The following SAP130 variants were observed in gnomAD, a reference collection of about 807,000 sequenced individuals.
The protein encoded by SAP130 is Sin3A associated protein 130, also known as histone deacetylase complex subunit SAP130.
Under a neutral mutation model 103.2 loss-of-function variants are expected in SAP130, and 16 were observed. The observed-to-expected ratio is 0.16, with a 90% CI of 0.10 to 0.24. SAP130 has a LOEUF of 0.24. Ranked by LOEUF, SAP130 falls within the 10% of genes least tolerant of loss-of-function variation. The pLI, the probability that SAP130 is intolerant of heterozygous loss-of-function variation, is 1.00. For synonymous variants in SAP130, 477 were observed against 497.0 expected (o/e 0.96, Z 0.53); for missense variants, 990 against 1,359.7 (o/e 0.73, Z 4.28).
rs150236531 is a variant in SAP130 at position 128,023,127 on chromosome 2, C to T, written c.112+3054G>A. On this transcript the variant is annotated intron_variant, in intron 2 of 20. Coordinates refer to ENST00000643581, the MANE Select transcript of SAP130 (RefSeq NM_001330301.2). The stretch of plus-strand genomic sequence containing the variant: ...GTCCTGCCTCAGCCTCCCGATTAGC[C>T]GGGATTACCGGCACCCACCACCACG... Among the ~76,000 whole-genome samples, 95 of 152,092 alleles carry T rather than the reference C, an allele frequency of 6.2e-4. 1 individual carries two copies. Among genetic ancestry groups the T allele is most frequent in the East Asian group, 4.6e-3 (24 of 5,166 alleles).
chr2:128,006,652 C>A (rs1025106036), intron 7 of SAP130, among the ~76,000 whole-genome samples: 1 of 152,142 alleles, frequency 6.6e-6, no homozygotes, highest in Non-Finnish European at 1.5e-5. Flanking sequence ...CATGGTGGCA[C>A]GTGCCCGTAG....
At chr2:128,023,179 G>C (rs1012114327) in intron 2 of SAP130, among the ~76,000 whole-genome samples, 2 of 152,030 alleles carry the variant, frequency 1.3e-5, no homozygotes, top group Admixed American at 1.3e-4. Context: ...ATTTTTAGTA[G>C]AGACAGGTTT....
intron 10 of SAP130, among the ~76,000 whole-genome samples, chr2:127,997,595 G>C (rs1304664131): frequency 1.3e-5 from 2 of 152,222 alleles, no homozygotes; most frequent in African/African-American, 4.8e-5. Context: ...CCAATGCAAA[G>C]AGAAGTTGGC....
rs1040751515 is a variant in SAP130 at position 128,019,966 on chromosome 2, T to C, written c.113-2051A>G. 2.0e-5 allele frequency among the ~76,000 whole-genome samples: 3 copies of C among 152,284 alleles called. No homozygotes were observed. The Middle Eastern group carries it at 0.01, about 518-fold the overall frequency. On this transcript the variant is annotated intron_variant, in intron 2 of 20. Transcript: ENST00000643581. Reference sequence around the variant, plus strand: ...TTGTGAAAATATTAACTCATATTTGTCTATAATTTTTCCAAAATAATTTTT... The same window carrying C: ...TTGTGAAAATATTAACTCATATTTGCCTATAATTTTTCCAAAATAATTTTT...
intron 14 of SAP130, among the ~76,000 whole-genome samples, chr2:127,984,733 G>A (rs1682248630): frequency 6.6e-6 from 1 of 152,180 alleles, no homozygotes; most frequent in Admixed American, 6.5e-5. Flanking sequence ...CACACGGTGA[G>A]TCACAATCTC....
In SAP130 at chr2:127,941,835, A is replaced by G; in HGVS notation, c.*171T>C. ...AGAAGGCAGCTCACTATGTCCAGTCAGCTCTGATCCTTTCACGCCCTTGGA... is the reference window on the plus strand; with the variant it reads ...AGAAGGCAGCTCACTATGTCCAGTCGGCTCTGATCCTTTCACGCCCTTGGA... On this transcript the variant is annotated 3_prime_UTR_variant, in exon 21 of 21. Transcript: ENST00000643581. 1 of 628,022 alleles carries G rather than the reference A, an allele frequency of 1.6e-6. No homozygotes were observed. Among genetic ancestry groups the G allele is most frequent in the Non-Finnish European group, 2.7e-6 (1 of 367,482 alleles). The allele number at this position is 628,022 out of a possible 1,614,324, so 38.9% of individuals were successfully genotyped here. A position where few individuals can be genotyped will look rare whatever the true frequency, so the allele number is the denominator to read the frequency against.
chr2:127,943,827 A>G (rs1298349833), intron 19 of SAP130, among the ~76,000 whole-genome samples: 2 of 152,216 alleles, frequency 1.3e-5, no homozygotes, highest in Non-Finnish European at 1.5e-5. Flanking sequence ...AGGCTACACT[A>G]AATCTATTAA....
intron 13 of SAP130, among the ~76,000 whole-genome samples, chr2:127,988,429 TAAAAAAA>T (rs11380500): frequency 2.4e-5 from 3 of 126,290 alleles, no homozygotes; most frequent in African/African-American, 9.1e-5. Context: ...CTTGTCTTTT[TAAAAAAA>T]AAAAAAAAAA....
At chr2:127,957,061 G>A (rs932222093) in intron 15 of SAP130, among the ~76,000 whole-genome samples, 16 of 152,314 alleles carry the variant, frequency 1.1e-4, no homozygotes, top group Middle Eastern at 3.4e-3. Context: ...AGCAGTTTGG[G>A]AAGCTGAGGC....
At position 127,986,877 on chromosome 2, in the gene SAP130, C is replaced by T. The variant is rs143177451; in HGVS notation, c.1866G>A (p.Val622=). 3.7e-6 allele frequency: 6 copies of T among 1,614,250 alleles called. No individual in the cohort carries two copies. Among genetic ancestry groups the T allele is most frequent in the Non-Finnish European group, 5.1e-6 (6 of 1,180,044 alleles). Residue 622 remains valine (V), a synonymous_variant, in exon 14 of 21, where the codon GTG becomes GTA. Coordinates refer to ENST00000643581, the MANE Select transcript of SAP130 (RefSeq NM_001330301.2). The surrounding 1 kb of genome is among the most constrained non-coding windows in gnomAD (Gnocchi z 4.7). ...FSAAPAATTV[V]QTHSQSASTN... Reference sequence around the variant, plus strand: ...TGCTAGCACTCTGGCTGTGGGTCTGCACCACGGTTGTTGCTGCTGGAGCAG... The same window carrying T: ...TGCTAGCACTCTGGCTGTGGGTCTGTACCACGGTTGTTGCTGCTGGAGCAG...
chr2:127,963,774 A>G (rs548725837), intron 15 of SAP130, among the ~76,000 whole-genome samples: 1 of 152,140 alleles, frequency 6.6e-6, no homozygotes, highest in Non-Finnish European at 1.5e-5. Flanking sequence ...GTTTCCCTGC[A>G]CAAGCTCTCT....
chr2:128,027,501 C>G (rs910232995), intron 1 of SAP130, among the ~76,000 whole-genome samples: 2 of 152,202 alleles, frequency 1.3e-5, no homozygotes, highest in East Asian at 3.9e-4. Flanking sequence ...ACAGGCGCCC[C>G]CGGCGAAGGG....
At chr2:127,997,567 G>A (rs1316908085) in intron 10 of SAP130, among the ~76,000 whole-genome samples, 1 of 152,214 alleles carries the variant, frequency 6.6e-6, no homozygotes. Flanking sequence ...TCTGACCACT[G>A]AAGATCGCAT....
intron 15 of SAP130, among the ~76,000 whole-genome samples, chr2:127,963,641 ATTCCTATGTG>A (rs1171542720): frequency 1.3e-5 from 2 of 152,182 alleles, no homozygotes; most frequent in Non-Finnish European, 2.9e-5. Context: ...AGCTCCCATG[ATTCCTATGTG>A]TTACGAGAGG....
intron 2 of SAP130, among the ~76,000 whole-genome samples, chr2:128,021,185 AAG>A (rs1559108139): frequency 6.6e-6 from 1 of 152,134 alleles, no homozygotes; most frequent in Non-Finnish European, 1.5e-5. Flanking sequence ...GTGGTGGCTC[AAG>A]CCTGTAATCC....
At chr2:128,008,199 T>C (rs1684109194) in intron 7 of SAP130, among the ~76,000 whole-genome samples, 1 of 152,164 alleles carries the variant, frequency 6.6e-6, no homozygotes, top group Admixed American at 6.5e-5. Flanking sequence ...TCCCTCAACA[T>C]AACCAATGGC....
chr2:127,947,122 A>T (rs1256697412), intron 18 of SAP130, among the ~76,000 whole-genome samples: 1 of 151,790 alleles, frequency 6.6e-6, no homozygotes, highest in Non-Finnish European at 1.5e-5. Context: ...TGCAGGTGCA[A>T]GCCAGGAACA....
At chr2:128,011,862 G>C (rs1477501814) in intron 6 of SAP130, among the ~76,000 whole-genome samples, 1 of 152,128 alleles carries the variant, frequency 6.6e-6, no homozygotes, top group South Asian at 2.1e-4. Flanking sequence ...GTCCCAGCTA[G>C]AGTGCAGTGG....
rs1683165805 is a variant in SAP130, at chr2:127,996,213, A to G, written c.1355+137T>C. 1 of 818,794 alleles carries G rather than the reference A, an allele frequency of 1.2e-6. No individual in the cohort carries two copies. The highest frequency in any genetic ancestry group is 1.7e-6 in the Non-Finnish European group (1 of 575,582). The allele number at this position is 818,794 out of a possible 1,614,324, so 50.7% of individuals were successfully genotyped here. On this transcript the variant is annotated intron_variant, in intron 11 of 20. Transcript: ENST00000643581. The surrounding 1 kb of genome is among the most constrained non-coding windows in gnomAD (Gnocchi z 4.3). ...GCACATAAAAAAAGGAATTATACGA[A>G]GTGTTACTTTCAGGGGAAAATCTGA...
Sources: allele counts gnomAD v4.1 joint callset (sites outside exome capture counted in the v4.1 genomes callset), GRCh38; gene constraint gnomAD v4.1.1; non-coding constraint Gnocchi (gnomAD v3.1); transcripts MANE v1.5; gene names NCBI Gene and HGNC (gene_info 2026-07-23, HGNC 2026-07-21).